Variants in RAB28 observed in about 807,000 individuals in gnomAD.
RAB28 encodes ras-related protein Rab-28.
RAB28 carries 24 observed loss-of-function variants against 31.7 expected under a neutral mutation model. The ratio of observed to expected loss-of-function variants is 0.76; its 90% CI spans 0.55 to 1.06. RAB28 has a LOEUF of 1.06. Among genes scored for constraint, RAB28 ranks in the 50% least tolerant of loss-of-function variants. The pLI is 0.00. For missense variants in RAB28, 254 were observed against 258.5 expected (o/e 0.98, Z 0.12); for synonymous variants, 100 against 90.4 (o/e 1.11, Z -0.60).
At chr4:13,397,606 G>A (rs989019532) in intron 4 of RAB28, among the ~76,000 whole-genome samples, 8 of 151,842 alleles carry the variant, frequency 5.3e-5, no homozygotes, top group African/African-American at 1.9e-4. Flanking sequence ...TTTCTTACAT[G>A]ATCATAAAGA....
chr4:13,425,287 A>G (rs193110052), intron 4 of RAB28, among the ~76,000 whole-genome samples: 1 of 152,324 alleles, frequency 6.6e-6, no homozygotes, highest in African/African-American at 2.4e-5. Context: ...CTTTTAAGAA[A>G]CTATTTGATG....
At chr4:13,444,729 T>A (rs560682048) in intron 4 of RAB28, among the ~76,000 whole-genome samples, 169 of 152,378 alleles carry the variant, frequency 1.1e-3, no homozygotes, top group African/African-American at 3.8e-3. Context: ...GTGGTTTTAA[T>A]AAGACATGGG....
At chr4:13,468,185 A>C (rs1413727360) in intron 3 of RAB28, among the ~76,000 whole-genome samples, 1 of 151,976 alleles carries the variant, frequency 6.6e-6, no homozygotes, top group East Asian at 1.9e-4. Context: ...TTTTTCATTA[A>C]GCAAACAGAA....
chr4:13,465,559 T>C (rs1715797592), intron 3 of RAB28, among the ~76,000 whole-genome samples: 1 of 150,952 alleles, frequency 6.6e-6, no homozygotes, highest in Non-Finnish European at 1.5e-5. Flanking sequence ...ATAAAAATTA[T>C]CAAAAGTAAA....
intron 6 of RAB28, among the ~76,000 whole-genome samples, chr4:13,372,690 T>C (rs1166061030): frequency 6.6e-6 from 1 of 152,018 alleles, no homozygotes; most frequent in African/African-American, 2.4e-5. Flanking sequence ...TTAATAAACA[T>C]ACTGGAGAAA....
chr4:13,400,709 C>T (rs576900632), intron 4 of RAB28, among the ~76,000 whole-genome samples: 21 of 152,204 alleles, frequency 1.4e-4, no homozygotes, highest in African/African-American at 5.1e-4. Flanking sequence ...TTCACAGATG[C>T]CATTTATGAA....
Position 13,381,548 on chromosome 4 carries a change from C to T in RAB28, c.438G>A (p.Arg146=), listed in dbSNP as rs769278772. 2 of 1,613,272 alleles carry T rather than the reference C, an allele frequency of 1.2e-6. No homozygotes were observed. The highest frequency in any genetic ancestry group is 1.7e-6 in the Non-Finnish European group (2 of 1,179,504). The change falls in exon 5 of 7, where the codon CGG becomes CGA. Residue 146 remains arginine, a synonymous_variant. Transcript: ENST00000330852. The part of the protein sequence containing the change: ...MRTIKPEKHL[R]FCQENGFSSH... Reference sequence around the variant, plus strand: ...TACTAAAACCATTTTCCTGGCAAAACCGTAAGTGTTTTTCAGGTTTTATTG... The same window carrying T: ...TACTAAAACCATTTTCCTGGCAAAATCGTAAGTGTTTTTCAGGTTTTATTG...
At chr4:13,433,019 G>A (rs1713896061) in intron 4 of RAB28, among the ~76,000 whole-genome samples, 2 of 150,108 alleles carry the variant, frequency 1.3e-5, no homozygotes, top group Admixed American at 1.3e-4. Context: ...AAGTAACAAG[G>A]AACTGAATTT....
At chr4:13,444,742 T>G (rs1178543298) in intron 4 of RAB28, among the ~76,000 whole-genome samples, 1 of 152,248 alleles carries the variant, frequency 6.6e-6, no homozygotes, top group African/African-American at 2.4e-5. Flanking sequence ...GACATGGGTG[T>G]AACCCAAAGC....
chr4:13,374,661 C>CGAA (rs1025012785), intron 6 of RAB28, among the ~76,000 whole-genome samples: 11 of 152,130 alleles, frequency 7.2e-5, no homozygotes, highest in African/African-American at 2.2e-4. Flanking sequence ...CCAATAATTC[C>CGAA]ACAAGCCCTA....
At chr4:13,442,987 A>G (rs1714503446) in intron 4 of RAB28, among the ~76,000 whole-genome samples, 1 of 152,232 alleles carries the variant, frequency 6.6e-6, no homozygotes, top group Non-Finnish European at 1.5e-5. Flanking sequence ...GTGGCAGAAC[A>G]TAGTATAAAA....
rs114796778 is a variant in RAB28 at position 13,480,438 on chromosome 4, G to A, written c.76-912C>T. Among the ~76,000 whole-genome samples, 683 of 151,936 alleles carry A rather than the reference G, an allele frequency of 4.5e-3. 6 individuals carry two copies. The highest frequency in any genetic ancestry group is 0.016 in the African/African-American group (650 of 41,540). On this transcript the variant is annotated intron_variant, in intron 1 of 6. Transcript: ENST00000330852. The stretch of plus-strand genomic sequence containing the variant: ...TCAAGACAGACTCCCTACTTTAAGA[G>A]AAAATAGCCGTTTTTTATTTTAAAA...
At chr4:13,381,404 C>T (rs1379175440) in intron 5 of RAB28, 87 bp downstream of exon 5, 10 of 951,754 alleles carry the variant, frequency 1.1e-5, no homozygotes, top group African/African-American at 1.7e-5. Flanking sequence ...TAATTTGCTC[C>T]AAAAGTTAAA....
intron 4 of RAB28, among the ~76,000 whole-genome samples, chr4:13,401,375 T>TG (rs1163332575): frequency 1.3e-5 from 2 of 152,114 alleles, no homozygotes; most frequent in African/African-American, 4.8e-5. Context: ...CATGGCCTGT[T>TG]GCGGGGAGGG....
At chr4:13,379,766 T>C (rs1204358407) in intron 5 of RAB28, among the ~76,000 whole-genome samples, 2 of 151,772 alleles carry the variant, frequency 1.3e-5, no homozygotes, top group African/African-American at 2.4e-5. Context: ...GAAACAAGGA[T>C]ACTGAAATCA....
intron 4 of RAB28, among the ~76,000 whole-genome samples, chr4:13,393,855 C>CAAAAAAAAAAA (rs759509251): frequency 3.8e-5 from 3 of 79,378 alleles, no homozygotes; most frequent in Non-Finnish European, 7.2e-5. Flanking sequence ...TCACAGGCTA[C>CAAAAAAAAAAA]AAAAAAAAAA....
chr4:13,396,493 T>C (rs535415290), intron 4 of RAB28, among the ~76,000 whole-genome samples: 1 of 152,074 alleles, frequency 6.6e-6, no homozygotes, highest in Non-Finnish European at 1.5e-5. Context: ...CATGCCATAT[T>C]AGAAGAATTG....
At position 13,381,508 on chromosome 4, in the gene RAB28, C is replaced by T. The variant is rs1343109519; in HGVS notation, c.478G>A (p.Ala160Thr). 1 of 1,611,404 alleles carries T rather than the reference C, an allele frequency of 6.2e-7. No homozygotes were observed. The highest frequency in any genetic ancestry group is 2.2e-5 in the East Asian group (1 of 44,778). ...TTACTTACAGAGTCTCCTGTCTTGG[C>T]TGAGACAAAGTGGCTACTAAAACCA... is the stretch of plus-strand genomic sequence containing the variant. ...ENGFSSHFVSAKTGDSVFLCF... is the reference protein window; with the variant it reads ...ENGFSSHFVSTKTGDSVFLCF... The change falls in exon 5 of 7, where the codon GCC (alanine) becomes ACC (threonine). Residue 160 changes from alanine (A) to threonine (T), a missense_variant. Coordinates refer to ENST00000330852, the MANE Select transcript of RAB28 (RefSeq NM_001017979.3).
At chr4:13,376,508 T>TTCTTACAAGG in intron 6 of RAB28, 37 bp downstream of exon 6, 1 of 1,451,534 alleles carries the variant, frequency 6.9e-7, no homozygotes, top group Non-Finnish European at 9.5e-7. Flanking sequence ...TGTAAGAAAT[T>TTCTTACAAGG]CATTAATTTT....
Sources: gnomAD v4.1 joint callset for allele counts (sites outside exome capture counted in the v4.1 genomes callset) on GRCh38, gnomAD v4.1.1 for gene constraint, MANE v1.5 for transcripts, NCBI Gene and HGNC (gene_info 2026-07-23, HGNC 2026-07-21) for gene names.